Variants in RNF212 observed in about 807,000 individuals in gnomAD.
RNF212 encodes ring finger protein 212.
Under a neutral mutation model 34.7 loss-of-function variants are expected in RNF212, and 33 were observed. The ratio of observed to expected loss-of-function variants is 0.95; its 90% CI spans 0.72 to 1.27. The LOEUF (loss-of-function observed/expected upper bound fraction) is 1.27. Among genes scored for constraint, RNF212 ranks in the 50% most tolerant of loss-of-function variants. The pLI, the probability that RNF212 is intolerant of heterozygous loss-of-function variation, is 0.00. For missense variants in RNF212, 377 were observed against 362.2 expected (o/e 1.04, Z -0.33); for synonymous variants, 140 against 136.1 (o/e 1.03, Z -0.20).
At chr4:1,110,737 G>A (rs1318109587) in intron 1 of RNF212, among the ~76,000 whole-genome samples, 1 of 152,174 alleles carries the variant, frequency 6.6e-6, no homozygotes, top group Non-Finnish European at 1.5e-5. Context: ...GCTTCCCTCT[G>A]AGTGACACAC....
At chr4:1,069,657 G>C (rs55644007), downstream of RNF212, among the ~76,000 whole-genome samples, 7,299 of 152,284 alleles carry the variant, frequency 0.048, 595 homozygotes, top group African/African-American at 0.17. Flanking sequence ...TCTGTGCTCC[G>C]ATGTGATGTG....
intron 3 of RNF212, among the ~76,000 whole-genome samples, chr4:1,065,250 A>G (rs1346566194): frequency 6.6e-6 from 1 of 152,210 alleles, no homozygotes; most frequent in Admixed American, 6.5e-5. Flanking sequence ...ATTCTCACCA[A>G]CAGTGCACAT....
At chr4:1,099,493 C>T (rs1723592866) in intron 2 of RNF212, among the ~76,000 whole-genome samples, 1 of 152,080 alleles carries the variant, frequency 6.6e-6, no homozygotes, top group Non-Finnish European at 1.5e-5. Flanking sequence ...CAGTGTGGCT[C>T]CAGGAGCGGG....
chr4:1,092,779 G>A (rs531386414), intron 3 of RNF212, among the ~76,000 whole-genome samples: 4 of 152,342 alleles, frequency 2.6e-5, no homozygotes, highest in South Asian at 2.1e-4. Context: ...TGCTTTGCCC[G>A]CATCCTGCGA....
chr4:1,113,531 T>G lies in RNF212; in HGVS notation c.-67A>C. ...AGCCCACGCAAGGTTGGGACCAGCCTCCCCGCGCAGGGCCCGAAGGCGGGC... is the reference window on the plus strand; with the variant it reads ...AGCCCACGCAAGGTTGGGACCAGCCGCCCCGCGCAGGGCCCGAAGGCGGGC... On this transcript the variant is annotated 5_prime_UTR_variant, in exon 1 of 10. Coordinates refer to ENST00000433731, the MANE Select transcript of RNF212 (RefSeq NM_001131034.4). 7.4e-7 allele frequency: 1 copy of G among 1,352,358 alleles called. No homozygotes were observed. Among genetic ancestry groups the G allele is most frequent in the Non-Finnish European group, 1.0e-6 (1 of 974,196 alleles). The allele number at this position is 1,352,358 out of a possible 1,614,324, so 83.8% of individuals were successfully genotyped here. A position where few individuals can be genotyped will look rare whatever the true frequency, so the allele number is the denominator to read the frequency against.
At chr4:1,056,362 G>A in exon 5 of RNF212, 1 of 179,262 alleles carries the variant, frequency 5.6e-6, no homozygotes, top group Non-Finnish European at 1.1e-5. Context: ...CACGAAGGCT[G>A]GAGGACTGGA....
At chr4:1,091,803 T>A (rs1305920844) in intron 3 of RNF212, among the ~76,000 whole-genome samples, 1 of 152,222 alleles carries the variant, frequency 6.6e-6, no homozygotes, top group Non-Finnish European at 1.5e-5. Flanking sequence ...GTTTCCTGGC[T>A]GCTGCGTCCT....
rs1000504632 is a variant in RNF212, at chr4:1,093,685, C to T, written c.247-2847G>A. The T allele has an allele frequency of 3.5e-5, 54 of 1,536,082 alleles. No individual in the cohort carries two copies. The African/African-American group carries it at 3.6e-4, about 10-fold the overall frequency. ...CTTGGCAAAACCACCCTGGAGCGCA[C>T]GGCCTGTGGCTCTGATGTCTGTGAT... On this transcript the variant is annotated intron_variant, in intron 3 of 9. Transcript: ENST00000433731.
At chr4:1,077,504 G>T (rs766895141) in intron 8 of RNF212, among the ~76,000 whole-genome samples, 23 of 152,150 alleles carry the variant, frequency 1.5e-4, no homozygotes, top group Non-Finnish European at 2.2e-4. Flanking sequence ...AAGTGCTGAA[G>T]TTATAGGCGT....
chr4:1,090,720 A>C, intron 4 of RNF212, 62 bp downstream of exon 4: 1 of 885,496 alleles, frequency 1.1e-6, no homozygotes, highest in Admixed American at 1.8e-5. Flanking sequence ...TTAATTAACA[A>C]GTCTGACATT....
At chr4:1,078,545 T>G (rs1205248434) in intron 8 of RNF212, among the ~76,000 whole-genome samples, 5 of 152,244 alleles carry the variant, frequency 3.3e-5, no homozygotes, top group African/African-American at 7.2e-5. Context: ...CCCAGAGTCC[T>G]TGGCTTTTCT....
intron 7 of RNF212, 74 bp from the exon 8 acceptor site, chr4:1,079,762 A>C: frequency 2.1e-6 from 2 of 958,710 alleles, no homozygotes; most frequent in African/African-American, 1.6e-5. Context: ...AAATACACAC[A>C]TGACGAGATG....
intron 4 of RNF212, among the ~76,000 whole-genome samples, chr4:1,086,705 T>G (rs1037221462): frequency 0.027 from 3 of 112 alleles, no homozygotes; most frequent in Non-Finnish European, 0.027. Flanking sequence ...AGGACAGGGG[T>G]GGGGGTGAGA....
At chr4:1,068,420 T>G (rs529322218), downstream of RNF212, among the ~76,000 whole-genome samples, 15 of 152,334 alleles carry the variant, frequency 9.8e-5, no homozygotes, top group African/African-American at 3.4e-4. Context: ...TTCAGCTGTG[T>G]TTTTAGAGTT....
At chr4:1,065,506 C>T (rs1281807265) in intron 3 of RNF212, among the ~76,000 whole-genome samples, 1 of 144,880 alleles carries the variant, frequency 6.9e-6, no homozygotes, top group Non-Finnish European at 1.5e-5. Flanking sequence ...CTCACTCTGT[C>T]AACCAGTCTG....
chr4:1,093,274 G>T, intron 3 of RNF212: 1 of 665,938 alleles, frequency 1.5e-6, no homozygotes, highest in Non-Finnish European at 2.2e-6. Flanking sequence ...GGTTTTATCT[G>T]TTGGTATTTA....
At chr4:1,100,988 T>A (rs1384908527) in intron 2 of RNF212, 1 of 180,110 alleles carries the variant, frequency 5.6e-6, no homozygotes, top group African/African-American at 2.4e-5. Flanking sequence ...TCTTCCATAT[T>A]GTCAGGCTTG....
In RNF212 at chr4:1,103,942, T is replaced by G. The variant is rs556008573; in HGVS notation, c.171+4401A>C. 8.7e-4 allele frequency among the ~76,000 whole-genome samples: 132 copies of G among 152,344 alleles called. 1 individual carries two copies. The highest frequency in any genetic ancestry group is 1.6e-3 in the Non-Finnish European group (112 of 68,036). On this transcript the variant is annotated intron_variant, in intron 2 of 9. Coordinates refer to ENST00000433731, the MANE Select transcript of RNF212 (RefSeq NM_001131034.4). Reference sequence around the variant, plus strand: ...AAAGAGAGATCTAAAGCGTCCTTATTCAAAGATAACATGTTGGCGTATGTA... The same window carrying G: ...AAAGAGAGATCTAAAGCGTCCTTATGCAAAGATAACATGTTGGCGTATGTA...
chr4:1,070,271 G>A (rs981940935), downstream of RNF212, among the ~76,000 whole-genome samples: 15 of 147,758 alleles, frequency 1.0e-4, no homozygotes, highest in Admixed American at 9.4e-4. Context: ...CTGTGTCAGC[G>A]TGGACGCCTG....
Sources: gnomAD v4.1 joint callset for allele counts (sites outside exome capture counted in the v4.1 genomes callset) on GRCh38, gnomAD v4.1.1 for gene constraint, MANE v1.5 for transcripts, NCBI Gene and HGNC (gene_info 2026-07-23, HGNC 2026-07-21) for gene names.